The following EXPH5 variants were observed in gnomAD, a reference collection of about 807,000 sequenced individuals.
EXPH5 encodes the protein exophilin-5.
Under a neutral mutation model 41.1 loss-of-function variants are expected in EXPH5, and 42 were observed. The ratio of observed to expected loss-of-function variants is 1.02; its 90% CI spans 0.80 to 1.32. EXPH5 has a LOEUF of 1.32. Ranked by LOEUF, EXPH5 falls within the 40% of genes most tolerant of loss-of-function variation. The pLI is 0.00. For missense variants in EXPH5, 2,298 were observed against 2,314.5 expected (o/e 0.99, Z 0.15); for synonymous variants, 798 against 833.5 (o/e 0.96, Z 0.73).
chr11:108,557,629 C>G (rs915952681), intron 1 of EXPH5, among the ~76,000 whole-genome samples: 1 of 151,876 alleles, frequency 6.6e-6, no homozygotes, highest in Non-Finnish European at 1.5e-5. Flanking sequence ...ATTACAGGCA[C>G]GAGCCACTGC....
intron 5 of EXPH5, among the ~76,000 whole-genome samples, chr11:108,518,002 A>G (rs1410244761): frequency 6.6e-6 from 1 of 152,136 alleles, no homozygotes; most frequent in African/African-American, 2.4e-5. Flanking sequence ...TTACTACTCC[A>G]TATATTTATC....
chr11:108,510,948 C>T lies in EXPH5; in HGVS notation c.4559G>A (p.Gly1520Asp). ...LTPALHKLQLGEETQSDEPNL... is the reference protein window; with the variant it reads ...LTPALHKLQLDEETQSDEPNL... ...TGGTTCATCTGACTGAGTCTCCTCA[C>T]CAAGCTGTAGTTTATGCAATGCTGG... The change falls in exon 6 of 6, where the codon GGT becomes GAT. Residue 1520 changes from glycine (G) to aspartate (D), a missense_variant. By Grantham distance (94) the Gly-to-Asp change is moderately conservative (BLOSUM62 -1). Coordinates refer to ENST00000265843, the MANE Select transcript of EXPH5 (RefSeq NM_015065.3). 4 of 1,614,052 alleles carry T rather than the reference C, an allele frequency of 2.5e-6. No homozygotes were observed. The highest frequency in any genetic ancestry group is 3.4e-6 in the Non-Finnish European group (4 of 1,179,958).
chr11:108,519,486 C>G (rs1208720477), intron 4 of EXPH5, among the ~76,000 whole-genome samples: 1 of 152,142 alleles, frequency 6.6e-6, no homozygotes, highest in Non-Finnish European at 1.5e-5. Flanking sequence ...GTGGCGCACA[C>G]CTGTAATCCC....
At chr11:108,526,523 C>G (rs886806002) in intron 4 of EXPH5, among the ~76,000 whole-genome samples, 4 of 152,210 alleles carry the variant, frequency 2.6e-5, no homozygotes, top group Non-Finnish European at 5.9e-5. Flanking sequence ...CTGAATACTT[C>G]CCCTAGGAAA....
chr11:108,534,706 A>G (rs936776593), intron 3 of EXPH5, among the ~76,000 whole-genome samples: 1 of 152,188 alleles, frequency 6.6e-6, no homozygotes, highest in Non-Finnish European at 1.5e-5. Context: ...GTGTCACCAT[A>G]GTACTCACCA....
rs982717203 is a variant in EXPH5 at position 108,511,529 on chromosome 11, A to G, written c.3978T>C (p.Thr1326=). The G allele has an allele frequency of 6.2e-6, 10 of 1,605,438 alleles. No individual in the cohort carries two copies. Among genetic ancestry groups the G allele is most frequent in the Non-Finnish European group, 8.5e-6 (10 of 1,177,524 alleles). The change falls in exon 6 of 6, where the codon ACT becomes ACC. Residue 1326 remains threonine, a synonymous_variant. Coordinates refer to ENST00000265843, the MANE Select transcript of EXPH5 (RefSeq NM_015065.3). ...ATAATCGGAAGGCAGTCATATTTTC[A>G]GTGGTGAGCGTCTGATCAGAGTTGA... ...MSVNSDQTLT[T]ENMTAFRLSN... is the part of the protein sequence containing the mutation.
At chr11:108,560,000 T>C (rs993296917) in intron 1 of EXPH5, among the ~76,000 whole-genome samples, 1 of 152,190 alleles carries the variant, frequency 6.6e-6, no homozygotes, top group South Asian at 2.1e-4. Context: ...TGTTGCAATA[T>C]GAGACTCTCA....
rs34384478 is a variant in EXPH5, at chr11:108,564,903, CT to C, written c.120-23092del. Among the ~76,000 whole-genome samples the C allele has an allele frequency of 2.8e-3, 333 of 118,378 alleles. 2 individuals carry two copies. The highest frequency in any genetic ancestry group is 8.5e-3 in the African/African-American group (270 of 31,604). The allele number at this position is 118,378 out of a possible 152,430, so 77.7% of individuals were successfully genotyped here. ...TATTATGTTTATTGGATATGTGTAGCTTTTTTTTTTTTTTTTTTAAGATGGA... is the reference window on the plus strand; with the variant it reads ...TATTATGTTTATTGGATATGTGTAGCTTTTTTTTTTTTTTTTTAAGATGGA... On this transcript the variant is annotated intron_variant, in intron 1 of 5. Transcript: ENST00000265843.
At chr11:108,603,543 A>G in the EXPH5 span, among the ~76,000 whole-genome samples, 2 of 152,180 alleles carry the variant, frequency 1.3e-5, no homozygotes, top group Non-Finnish European at 2.9e-5. Flanking sequence ...ATCATATTTC[A>G]CTATTTTTGT....
rs755268238 is a variant in EXPH5 at position 108,510,607 on chromosome 11, G to A, written c.4900C>T (p.Leu1634Phe). The change falls in exon 6 of 6, where the codon CTT (leucine) becomes TTT (phenylalanine). Residue 1634 changes from leucine (L) to phenylalanine (F), a missense_variant. Physicochemically the swap from Leu to Phe is conservative, Grantham distance 22. Transcript: ENST00000265843. ...AGTGGGTTGCACTCCACTGTGCCAA[G>A]AGATAAATGGTCAAAGCCAGATCTG... ...GSRSGFDHLS[L>F]GTVECNPLFP... 6 of 1,614,116 alleles carry A rather than the reference G, an allele frequency of 3.7e-6. No individual in the cohort carries two copies. Among genetic ancestry groups the A allele is most frequent in the Non-Finnish European group, 5.1e-6 (6 of 1,179,996 alleles).
intron 1 of EXPH5, among the ~76,000 whole-genome samples, chr11:108,571,538 C>CT (rs1480253027): frequency 1.3e-5 from 2 of 152,082 alleles, no homozygotes; most frequent in Non-Finnish European, 2.9e-5. Flanking sequence ...GCGTGAAGCC[C>CT]TTAATACCAC....
intron 4 of EXPH5, among the ~76,000 whole-genome samples, chr11:108,518,781 G>C (rs577101879): frequency 1.3e-5 from 2 of 152,306 alleles, no homozygotes; most frequent in South Asian, 4.1e-4. Context: ...AGGTCGGCAC[G>C]AGGTACAGGT....
At chr11:108,564,710 G>GA (rs2094027142) in intron 1 of EXPH5, among the ~76,000 whole-genome samples, 1 of 152,012 alleles carries the variant, frequency 6.6e-6, no homozygotes, top group South Asian at 2.1e-4. Context: ...AATTACCCTG[G>GA]AAAAAGGTTG....
At chr11:108,582,945 T>C (rs2094103014) in intron 1 of EXPH5, among the ~76,000 whole-genome samples, 1 of 152,206 alleles carries the variant, frequency 6.6e-6, no homozygotes, top group East Asian at 1.9e-4. Flanking sequence ...TTAACTTGAT[T>C]TTCTCTGTAA....
rs758183752 is a variant in EXPH5 at position 108,510,644 on chromosome 11, G to T, written c.4863C>A (p.Pro1621=). 109 of 1,614,034 alleles carry T rather than the reference G, an allele frequency of 6.8e-5. No homozygotes were observed. Among genetic ancestry groups the T allele is most frequent in the Middle Eastern group, 1.6e-4 (1 of 6,084 alleles). The change falls in exon 6 of 6, where the codon CCC becomes CCA. Residue 1621 remains proline (P), a synonymous_variant. Transcript: ENST00000265843. ...SPRRHVATIF[P]QSGSRSGFDH... The stretch of plus-strand genomic sequence containing the variant: ...CAAAGCCAGATCTGCTTCCACTTTG[G>T]GGGAAGATAGTAGCTACATGTCTTC...
intron 1 of EXPH5, among the ~76,000 whole-genome samples, chr11:108,563,809 T>C (rs900727889): frequency 1.3e-5 from 2 of 152,230 alleles, no homozygotes; most frequent in East Asian, 1.9e-4. Flanking sequence ...TTCACTGTCC[T>C]AGGCGTCGCT....
At chr11:108,593,266 G>A (rs1591766209) in intron 1 of EXPH5, 152 bp downstream of exon 1, 2 of 567,556 alleles carry the variant, frequency 3.5e-6, no homozygotes, top group Non-Finnish European at 6.4e-6. Context: ...GAGCAACTCC[G>A]CGCAGTTTTC....
chr11:108,533,178 C>A (rs945876519), intron 3 of EXPH5, among the ~76,000 whole-genome samples: 3 of 151,674 alleles, frequency 2.0e-5, no homozygotes, highest in African/African-American at 7.3e-5. Flanking sequence ...CCACCACATT[C>A]ATTTGTTAGG....
chr11:108,514,899 C>A (rs1194337095), intron 5 of EXPH5, 24 bp from the exon 6 acceptor site: 9 of 1,378,450 alleles, frequency 6.5e-6, no homozygotes, highest in East Asian at 2.6e-5. Context: ...GTGAATCAAC[C>A]TTTTTCTGTA....
Sources: gnomAD v4.1 joint callset for allele counts (sites outside exome capture counted in the v4.1 genomes callset) on GRCh38, gnomAD v4.1.1 for gene constraint, MANE v1.5 for transcripts, NCBI Gene and HGNC (gene_info 2026-07-23, HGNC 2026-07-21) for gene names.